NLN: variants seen among roughly 807,000 people sequenced by gnomAD.
NLN encodes neurolysin, mitochondrial.
NLN carries 64 observed loss-of-function variants against 79.9 expected under a neutral mutation model. The ratio of observed to expected loss-of-function variants is 0.80; its 90% CI spans 0.65 to 0.99. The LOEUF is 0.99. Ranked by LOEUF, NLN falls within the 50% of genes least tolerant of loss-of-function variation. NLN has a pLI of 0.00. For synonymous variants in NLN, 267 were observed against 296.6 expected, an observed-to-expected ratio of 0.90 and a Z score of 1.02; for missense variants, 835 against 858.7, an observed-to-expected ratio of 0.97 and a Z score of 0.34.
At chr5:65,788,880 G>T (rs938892789) in intron 8 of NLN, among the ~76,000 whole-genome samples, 1 of 151,996 alleles carries the variant, frequency 6.6e-6, no homozygotes, top group Non-Finnish European at 1.5e-5. Flanking sequence ...GCTGAGGTGG[G>T]AGGATCACTT....
At chr5:65,777,963 A>G (rs1033106682) in intron 4 of NLN, among the ~76,000 whole-genome samples, 4 of 152,130 alleles carry the variant, frequency 2.6e-5, no homozygotes, top group African/African-American at 9.7e-5. Context: ...TTGTTCTTTA[A>G]CCTTGTACAA....
At chr5:65,731,711 G>A (rs1012537789) in intron 1 of NLN, among the ~76,000 whole-genome samples, 1 of 130,328 alleles carries the variant, frequency 7.7e-6, no homozygotes, top group African/African-American at 2.8e-5. Context: ...TCCACCCCAA[G>A]ATTATGTATT....
chr5:65,765,884 G>T (rs894449153), intron 3 of NLN, among the ~76,000 whole-genome samples: 3 of 152,042 alleles, frequency 2.0e-5, no homozygotes, highest in Non-Finnish European at 4.4e-5. Flanking sequence ...ATCCCAATTG[G>T]ATATAAAATG....
chr5:65,748,324 A>C (rs924635692), intron 1 of NLN, among the ~76,000 whole-genome samples: 4 of 152,218 alleles, frequency 2.6e-5, no homozygotes, highest in Non-Finnish European at 4.4e-5. Context: ...AAAACTAAGA[A>C]TCATGGGAGT....
chr5:65,740,493 G>A (rs997750933), intron 1 of NLN, among the ~76,000 whole-genome samples: 1 of 152,182 alleles, frequency 6.6e-6, no homozygotes, highest in South Asian at 2.1e-4. Flanking sequence ...GAGTTTCAAA[G>A]GGAACAAGCA....
rs1760836923 is a variant in NLN, at chr5:65,823,094, A to C, written c.*179A>C. The C allele has an allele frequency of 2.0e-6, 1 of 507,776 alleles. No homozygotes were observed. Among genetic ancestry groups the C allele is most frequent in the African/African-American group, 2.0e-5 (1 of 51,262 alleles). The allele number at this position is 507,776 out of a possible 1,614,324, so 31.5% of individuals were successfully genotyped here. On this transcript the variant is annotated 3_prime_UTR_variant, in exon 13 of 13. Coordinates refer to ENST00000380985, the MANE Select transcript of NLN (RefSeq NM_020726.5). ...ATGGAATTATAAATACTGTGACCTA[A>C]GAAAAGACCCACTAGAAAGTAATTG...
intron 8 of NLN, among the ~76,000 whole-genome samples, chr5:65,789,491 C>T (rs184259036): frequency 7.2e-5 from 11 of 152,100 alleles, no homozygotes; most frequent in Non-Finnish European, 1.3e-4. Flanking sequence ...GAATATTGAC[C>T]ACCACCCAGA....
intron 9 of NLN, among the ~76,000 whole-genome samples, chr5:65,797,826 C>G (rs17243653): frequency 0.11 from 16,103 of 152,226 alleles, 1,037 homozygotes; most frequent in Admixed American, 0.21. Context: ...TGAGGTTCAA[C>G]AGAATTCACA....
rs8502 is a variant in NLN, at chr5:65,824,544, T to C, written c.*1629T>C. The C allele has an allele frequency of 0.11, 16,961 of 152,228 alleles. 1,423 individuals carry two copies. The highest frequency in any genetic ancestry group is 0.24 in the African/African-American group (9,879 of 41,504). The allele number at this position is 152,228 out of a possible 1,614,324, so 9.4% of individuals were successfully genotyped here. A position where few individuals can be genotyped will look rare whatever the true frequency, so the allele number is the denominator to read the frequency against. ...CTTTCCCCCTAGACTTTTCTGTTTT[T>C]CAGTTTCAGACAAAAAAACTCTTCA... On this transcript the variant is annotated 3_prime_UTR_variant, in exon 13 of 13. Coordinates refer to ENST00000380985, the MANE Select transcript of NLN (RefSeq NM_020726.5).
chr5:65,771,398 A>G (rs1223439179), intron 3 of NLN, among the ~76,000 whole-genome samples: 1 of 152,242 alleles, frequency 6.6e-6, no homozygotes, highest in Non-Finnish European at 1.5e-5. Flanking sequence ...CAGTGTCTTC[A>G]TGTCAAAACA....
intron 1 of NLN, among the ~76,000 whole-genome samples, chr5:65,728,304 A>G (rs1490030415): frequency 1.3e-5 from 2 of 152,146 alleles, no homozygotes; most frequent in South Asian, 2.1e-4. Context: ...CCTAAAATAT[A>G]AATAGCTATA....
chr5:65,739,761 T>A (rs1199048678), intron 1 of NLN, among the ~76,000 whole-genome samples: 2 of 152,348 alleles, frequency 1.3e-5, no homozygotes, highest in East Asian at 3.8e-4. Context: ...ATGTTGATGT[T>A]GAGCATTTTT....
At chr5:65,769,938 G>T (rs1262313633) in intron 3 of NLN, among the ~76,000 whole-genome samples, 1 of 152,188 alleles carries the variant, frequency 6.6e-6, no homozygotes, top group Non-Finnish European at 1.5e-5. Flanking sequence ...TCAAACTAAA[G>T]TGAGAAACCA....
intron 1 of NLN, among the ~76,000 whole-genome samples, chr5:65,738,828 C>T (rs1396729102): frequency 2.0e-5 from 3 of 149,738 alleles, no homozygotes; most frequent in South Asian, 2.1e-4. Flanking sequence ...GTGATCTCAG[C>T]TCACTGCAAC....
intron 1 of NLN, among the ~76,000 whole-genome samples, chr5:65,735,267 G>A (rs375839797): frequency 6.6e-6 from 1 of 152,192 alleles, no homozygotes; most frequent in East Asian, 1.9e-4. Flanking sequence ...AATTAAACCT[G>A]TTTCATTTAT....
At chr5:65,750,027 T>G (rs1759068938) in intron 1 of NLN, among the ~76,000 whole-genome samples, 1 of 152,160 alleles carries the variant, frequency 6.6e-6, no homozygotes. Flanking sequence ...TCTCTGTCCT[T>G]TCTTCCTTCC....
rs1190392338 is a variant in NLN, at chr5:65,738,790, T to G, written c.41+16376T>G. ...TTTCTTTTTTAAGACAGAGACTTGC[T>G]CTGTTGCCCAGGCAGGAGTGCAGTG... is the stretch of plus-strand genomic sequence containing the variant. On this transcript the variant is annotated intron_variant, in intron 1 of 12. Coordinates refer to ENST00000380985, the MANE Select transcript of NLN (RefSeq NM_020726.5). 5.3e-5 allele frequency among the ~76,000 whole-genome samples: 8 copies of G among 150,184 alleles called. No homozygotes were observed. The Admixed American group carries it at 5.3e-4, about 10-fold the overall frequency.
At chr5:65,745,690 G>A (rs115272832) in intron 1 of NLN, among the ~76,000 whole-genome samples, 2,041 of 152,284 alleles carry the variant, frequency 0.013, 50 homozygotes, top group African/African-American at 0.047. Context: ...GCAAAAGGAT[G>A]GCACTGAGAA....
At chr5:65,804,605 C>G (rs1250390060) in intron 9 of NLN, among the ~76,000 whole-genome samples, 1 of 152,212 alleles carries the variant, frequency 6.6e-6, no homozygotes, top group Non-Finnish European at 1.5e-5. Flanking sequence ...TCTCAGCTCA[C>G]TGCAACCTCC....
Sources: gnomAD v4.1 joint callset for allele counts (sites outside exome capture counted in the v4.1 genomes callset) on GRCh38, gnomAD v4.1.1 for gene constraint, MANE v1.5 for transcripts, NCBI Gene and HGNC (gene_info 2026-07-23, HGNC 2026-07-21) for gene names.